The following PRKCQ variants were observed in gnomAD, a reference collection of about 807,000 sequenced individuals.
The protein encoded by PRKCQ is protein kinase C theta type.
A neutral mutation model predicts 91.2 loss-of-function variants in PRKCQ; 41 were observed. The observed-to-expected ratio is 0.45, with a 90% CI of 0.35 to 0.58. The LOEUF is 0.58. Ranked by LOEUF, PRKCQ falls within the 20% of genes least tolerant of loss-of-function variation. The pLI is 0.00. For missense variants in PRKCQ, 673 were observed against 896.5 expected, an observed-to-expected ratio of 0.75 and a Z score of 3.18; for synonymous variants, 307 against 316.9, an observed-to-expected ratio of 0.97 and a Z score of 0.33.
rs560967749 is a variant in PRKCQ at position 6,548,760 on chromosome 10, C to T, written c.-10+31451G>A. On this transcript the variant is annotated intron_variant, in intron 1 of 17. Coordinates refer to ENST00000263125, the MANE Select transcript of PRKCQ (RefSeq NM_006257.5). ...GGGTGGGGGGAGGGGGGAGGGATAGCTTTAGGAGATATAACTAATGCTAAA... is the reference window on the plus strand; with the variant it reads ...GGGTGGGGGGAGGGGGGAGGGATAGTTTTAGGAGATATAACTAATGCTAAA... Among the ~76,000 whole-genome samples the T allele has an allele frequency of 1.7e-4, 25 of 148,190 alleles. No homozygotes were observed. The South Asian group carries it at 4.6e-3, about 27-fold the overall frequency.
chr10:6,516,813 G>T lies in PRKCQ; in HGVS notation c.-9-1669C>A, dbSNP rs550805444. 3.9e-5 allele frequency among the ~76,000 whole-genome samples: 6 copies of T among 152,220 alleles called. 1 individual carries two copies. The South Asian group carries it at 1.2e-3, about 32-fold the overall frequency. On this transcript the variant is annotated intron_variant, in intron 1 of 17. Coordinates refer to ENST00000263125, the MANE Select transcript of PRKCQ (RefSeq NM_006257.5). ...GGCAACAGTAGCCCAGCAGGCGTCT[G>T]GGAAATGCTGCCCCAGGAAGAGAAG...
intron 16 of PRKCQ, among the ~76,000 whole-genome samples, chr10:6,440,124 G>A (rs970459860): frequency 6.6e-6 from 1 of 152,160 alleles, no homozygotes; most frequent in Non-Finnish European, 1.5e-5. Flanking sequence ...CTGTGAAGAG[G>A]TGCCTTCTGC....
At chr10:6,429,344 A>ATGAC (rs1833288502) in intron 17 of PRKCQ, among the ~76,000 whole-genome samples, 1 of 152,214 alleles carries the variant, frequency 6.6e-6, no homozygotes, top group South Asian at 2.1e-4. Flanking sequence ...TTTATCACAA[A>ATGAC]TGACTAACCC....
In PRKCQ at chr10:6,439,576, A is replaced by G. The variant is rs117263324; in HGVS notation, c.1836+2317T>C. 5.0e-3 allele frequency among the ~76,000 whole-genome samples: 761 copies of G among 151,708 alleles called. 1 individual carries two copies. Among genetic ancestry groups the G allele is most frequent in the Non-Finnish European group, 8.2e-3 (555 of 67,926 alleles). On this transcript the variant is annotated intron_variant, in intron 16 of 17. Transcript: ENST00000263125. ...TGCCACTCCTAAGACAGCAAGACCA[A>G]CTCCCCCTCTTCCTCAGCCCTCTCA...
intron 1 of PRKCQ, among the ~76,000 whole-genome samples, chr10:6,574,740 G>T (rs1018912148): frequency 6.6e-6 from 1 of 152,204 alleles, no homozygotes; most frequent in African/African-American, 2.4e-5. Flanking sequence ...AAGCTGTGAT[G>T]CTTACTCTGC....
At chr10:6,424,835 T>G (rs1833078929), downstream of PRKCQ, among the ~76,000 whole-genome samples, 1 of 152,184 alleles carries the variant, frequency 6.6e-6, no homozygotes, top group Non-Finnish European at 1.5e-5. Flanking sequence ...AGTCTGTATC[T>G]TCCAAAAAGA....
chr10:6,514,779 T>C (rs1838666716), intron 2 of PRKCQ, among the ~76,000 whole-genome samples: 1 of 152,286 alleles, frequency 6.6e-6, no homozygotes, highest in East Asian at 1.9e-4. Flanking sequence ...CCTTTGTATA[T>C]GTGGGAAAAA....
At chr10:6,454,805 C>T (rs970694114) in intron 15 of PRKCQ, among the ~76,000 whole-genome samples, 3 of 151,948 alleles carry the variant, frequency 2.0e-5, no homozygotes, top group East Asian at 1.9e-4. Flanking sequence ...TGAAGTTGCT[C>T]GTGGAGGATG....
intron 1 of PRKCQ, among the ~76,000 whole-genome samples, chr10:6,564,171 G>A (rs1588429430): frequency 6.6e-6 from 1 of 152,296 alleles, no homozygotes; most frequent in Non-Finnish European, 1.5e-5. Context: ...TTTTGCAGGT[G>A]ATATGGAGTA....
intron 11 of PRKCQ, among the ~76,000 whole-genome samples, chr10:6,479,767 T>TACA (rs1836483035): frequency 2.6e-5 from 1 of 38,988 alleles, no homozygotes; most frequent in African/African-American, 1.1e-4. Flanking sequence ...CCGTCTCGAC[T>TACA]AAAAAAAAAA....
At chr10:6,547,273 G>A (rs945382793) in intron 1 of PRKCQ, among the ~76,000 whole-genome samples, 1 of 152,060 alleles carries the variant, frequency 6.6e-6, no homozygotes, top group Admixed American at 6.6e-5. Flanking sequence ...CTCATGGGTA[G>A]GAAGAATCAA....
intron 1 of PRKCQ, among the ~76,000 whole-genome samples, chr10:6,552,372 A>G (rs182532362): frequency 6.6e-6 from 1 of 152,166 alleles, no homozygotes; most frequent in East Asian, 1.9e-4. Context: ...AACTCCAGTG[A>G]TCGTGCCTCC....
the PRKCQ span, among the ~76,000 whole-genome samples, chr10:6,410,765 C>T: frequency 2.0e-5 from 3 of 152,056 alleles, no homozygotes; most frequent in African/African-American, 7.2e-5. Context: ...GGTGGATCAC[C>T]TGAGGTTAGG....
intron 1 of PRKCQ, among the ~76,000 whole-genome samples, chr10:6,523,391 C>T (rs1273572781): frequency 1.3e-5 from 2 of 152,146 alleles, no homozygotes; most frequent in Admixed American, 1.3e-4. Context: ...GTCGAGGCTG[C>T]AGTGAGCTGT....
chr10:6,484,766 GT>G lies in PRKCQ; in HGVS notation c.1018+385del, dbSNP rs1455114169. Reference sequence around the variant, plus strand: ...CATAATGTCATGAAAGTGGCTTTGAGTCCTTCTCTTTCCTACCCTTAAATTT... The same window carrying G: ...CATAATGTCATGAAAGTGGCTTTGAGCCTTCTCTTTCCTACCCTTAAATTT... On this transcript the variant is annotated intron_variant, in intron 10 of 17. Coordinates refer to ENST00000263125, the MANE Select transcript of PRKCQ (RefSeq NM_006257.5). 9.2e-5 allele frequency among the ~76,000 whole-genome samples: 14 copies of G among 152,192 alleles called. No homozygotes were observed. In the East Asian group the frequency reaches 2.5e-3, roughly 27 times the overall value.
chr10:6,415,405 CATAT>C, the PRKCQ span, among the ~76,000 whole-genome samples: 1,055 of 104,176 alleles, frequency 0.01, 6 homozygotes, highest in African/African-American at 0.015. Context: ...CAAGAAAATA[CATAT>C]ATATATATAT....
In PRKCQ at chr10:6,505,976, G is replaced by C. The variant is rs146301871; in HGVS notation, c.379+1460C>G. Among the ~76,000 whole-genome samples, 124 of 152,230 alleles carry C rather than the reference G, an allele frequency of 8.1e-4. 1 individual carries two copies. The highest frequency in any genetic ancestry group is 5.2e-3 in the South Asian group (25 of 4,824). On this transcript the variant is annotated intron_variant, in intron 4 of 17. Coordinates refer to ENST00000263125, the MANE Select transcript of PRKCQ (RefSeq NM_006257.5). ...CCTTTTTCAATTTACATTGGGTCAT[G>C]ATTTAAACTAATGGGAGGAATGTAT...
the PRKCQ span, among the ~76,000 whole-genome samples, chr10:6,396,019 C>T: frequency 6.6e-6 from 1 of 152,078 alleles, no homozygotes; most frequent in African/African-American, 2.4e-5. Context: ...TTCCTAGCTC[C>T]AGGGACTGAA....
the PRKCQ span, among the ~76,000 whole-genome samples, chr10:6,394,289 C>G: frequency 3.3e-5 from 5 of 152,308 alleles, no homozygotes; most frequent in South Asian, 8.3e-4. Context: ...GGCCTGATCT[C>G]CAGAGACAGG....
Sources: gnomAD v4.1 joint callset for allele counts (sites outside exome capture counted in the v4.1 genomes callset) on GRCh38, gnomAD v4.1.1 for gene constraint, MANE v1.5 for transcripts, NCBI Gene and HGNC (gene_info 2026-07-23, HGNC 2026-07-21) for gene names.